The following DSCAM variants were observed in gnomAD, a reference collection of about 807,000 sequenced individuals.
DSCAM encodes the protein DS cell adhesion molecule.
Under a neutral mutation model 217.7 loss-of-function variants are expected in DSCAM, and 47 were observed. The ratio of observed to expected loss-of-function variants is 0.22; its 90% CI spans 0.17 to 0.28. DSCAM has a LOEUF of 0.28. DSCAM is among the 10% of genes least tolerant of loss of function. DSCAM has a pLI of 1.00. For missense variants in DSCAM, 2,080 were observed against 2,618.3 expected, an observed-to-expected ratio of 0.79 and a Z score of 4.49; for synonymous variants, 1,056 against 1,015.3, an observed-to-expected ratio of 1.04 and a Z score of -0.76.
intron 1 of DSCAM, among the ~76,000 whole-genome samples, chr21:40,826,053 C>T (rs1050430303): frequency 6.6e-6 from 1 of 152,152 alleles, no homozygotes; most frequent in African/African-American, 2.4e-5. Flanking sequence ...GTGGGCTTCC[C>T]CAGTTGGGAG....
chr21:40,839,830 TA>T (rs1181623124), intron 1 of DSCAM, among the ~76,000 whole-genome samples: 3 of 151,844 alleles, frequency 2.0e-5, no homozygotes, highest in African/African-American at 4.8e-5. Context: ...GTCTTCTCAG[TA>T]AAAAAAATAA....
Position 40,707,817 on chromosome 21 carries a change from G to T in DSCAM, c.361+637C>A, listed in dbSNP as rs191072685. Among the ~76,000 whole-genome samples, 6 of 152,258 alleles carry T rather than the reference G, an allele frequency of 3.9e-5. No individual in the cohort carries two copies. In the East Asian group the frequency reaches 1.2e-3, roughly 29 times the overall value. ...TGTATATATAGCCCTTGATGTCTGT[G>T]TATCTCAGGCAGTATTCTTTCCTGG... is the stretch of plus-strand genomic sequence containing the variant. On this transcript the variant is annotated intron_variant, in intron 2 of 32. Coordinates refer to ENST00000400454, the MANE Select transcript of DSCAM (RefSeq NM_001389.5).
intron 11 of DSCAM, among the ~76,000 whole-genome samples, chr21:40,194,865 A>G (rs1231166658): frequency 2.0e-5 from 3 of 152,136 alleles, no homozygotes; most frequent in African/African-American, 7.2e-5. Context: ...GGTAGTATTT[A>G]TACCACTGAA....
At chr21:40,067,449 C>T (rs2089223642) in intron 27 of DSCAM, among the ~76,000 whole-genome samples, 1 of 152,138 alleles carries the variant, frequency 6.6e-6, no homozygotes, top group Admixed American at 6.5e-5. Flanking sequence ...GACTGGAACC[C>T]CATGACAGCT....
chr21:40,308,593 C>G (rs966622024), intron 9 of DSCAM, among the ~76,000 whole-genome samples: 6 of 152,142 alleles, frequency 3.9e-5, no homozygotes, highest in Non-Finnish European at 4.4e-5. Flanking sequence ...CTTTCAATTT[C>G]TCTCTCTGTT....
chr21:40,448,338 T>C (rs140708242), intron 3 of DSCAM, among the ~76,000 whole-genome samples: 142 of 152,318 alleles, frequency 9.3e-4, no homozygotes, highest in African/African-American at 3.2e-3. Context: ...CTTCTTGAGC[T>C]AGAACATCTG....
chr21:40,263,187 T>G (rs1004769927), intron 11 of DSCAM, among the ~76,000 whole-genome samples: 3 of 152,206 alleles, frequency 2.0e-5, no homozygotes, highest in Non-Finnish European at 4.4e-5. Flanking sequence ...AAAGAGAAGT[T>G]TCATTTCTGG....
At chr21:40,755,851 G>A (rs80285227) in intron 1 of DSCAM, among the ~76,000 whole-genome samples, 1,759 of 152,292 alleles carry the variant, frequency 0.012, 27 homozygotes, top group South Asian at 0.025. Context: ...CATGTCCTTT[G>A]CAATGTGACT....
intron 19 of DSCAM, among the ~76,000 whole-genome samples, chr21:40,127,387 T>A (rs1020306268): frequency 6.6e-6 from 1 of 152,210 alleles, no homozygotes; most frequent in African/African-American, 2.4e-5. Flanking sequence ...TCTTGAAACA[T>A]TCTTAGTGAC....
intron 8 of DSCAM, among the ~76,000 whole-genome samples, chr21:40,317,948 G>C (rs2074217668): frequency 6.6e-6 from 1 of 152,170 alleles, no homozygotes. Flanking sequence ...GAATGACTTA[G>C]TTTACTGAGA....
intron 3 of DSCAM, among the ~76,000 whole-genome samples, chr21:40,486,872 C>T (rs2076032819): frequency 6.6e-6 from 1 of 152,132 alleles, no homozygotes; most frequent in African/African-American, 2.4e-5. Context: ...CTGCCCTCAC[C>T]CTGGCCTCCG....
intron 3 of DSCAM, among the ~76,000 whole-genome samples, chr21:40,549,393 A>T (rs139896353): frequency 4.2e-4 from 63 of 151,132 alleles, no homozygotes; most frequent in African/African-American, 1.4e-3. Flanking sequence ...ACTTCGAGAT[A>T]AAAAAAAACA....
At chr21:40,314,662 C>T (rs1232792619) in intron 8 of DSCAM, among the ~76,000 whole-genome samples, 1 of 152,200 alleles carries the variant, frequency 6.6e-6, no homozygotes, top group East Asian at 1.9e-4. Flanking sequence ...CATTTCCTCC[C>T]CTTTGATTTC....
chr21:40,679,446 T>C (rs1475945393), intron 3 of DSCAM, among the ~76,000 whole-genome samples: 2 of 152,252 alleles, frequency 1.3e-5, no homozygotes, highest in African/African-American at 4.8e-5. Context: ...GGTCACTTAC[T>C]GAAGCTCTCT....
intron 3 of DSCAM, among the ~76,000 whole-genome samples, chr21:40,484,601 G>C (rs769445571): frequency 5.7e-5 from 8 of 140,960 alleles, no homozygotes; most frequent in Non-Finnish European, 1.1e-4. Flanking sequence ...ACCTAAAAAA[G>C]AAACTCTTGG....
At chr21:40,264,370 T>G (rs756194641) in intron 11 of DSCAM, among the ~76,000 whole-genome samples, 58 of 152,068 alleles carry the variant, frequency 3.8e-4, no homozygotes, top group Non-Finnish European at 7.6e-4. Context: ...TAATTCACCA[T>G]GATAATTCTA....
At chr21:40,343,164 A>G (rs1398767667) in intron 6 of DSCAM, among the ~76,000 whole-genome samples, 1 of 152,150 alleles carries the variant, frequency 6.6e-6, no homozygotes, top group Non-Finnish European at 1.5e-5. Flanking sequence ...CTTATATCCA[A>G]TGACTTTTTA....
At chr21:40,672,274 T>G (rs2090285792) in intron 3 of DSCAM, among the ~76,000 whole-genome samples, 1 of 152,156 alleles carries the variant, frequency 6.6e-6, no homozygotes, top group African/African-American at 2.4e-5. Flanking sequence ...TTGGTGGTCT[T>G]TAGTTTAGCT....
At chr21:40,658,964 C>T (rs1286435774) in intron 3 of DSCAM, among the ~76,000 whole-genome samples, 1 of 152,128 alleles carries the variant, frequency 6.6e-6, no homozygotes, top group Non-Finnish European at 1.5e-5. Flanking sequence ...TTCTGATAAT[C>T]GGGCAAATGA....
Sources: allele counts gnomAD v4.1 joint callset (sites outside exome capture counted in the v4.1 genomes callset), GRCh38; gene constraint gnomAD v4.1.1; transcripts MANE v1.5; gene names NCBI Gene and HGNC (gene_info 2026-07-23, HGNC 2026-07-21).